C2orf66: variants seen among roughly 807,000 people sequenced by gnomAD.
C2orf66 encodes uncharacterized protein C2orf66.
In C2orf66, 6 loss-of-function variants were observed where a neutral mutation model predicts 7.0. The observed-to-expected ratio is 0.86, with a 90% CI of 0.47 to 1.69. C2orf66 has a LOEUF of 1.69. Among genes scored for constraint, C2orf66 ranks in the 40% most tolerant of loss-of-function variants. C2orf66 has a pLI of 0.01. For missense variants in C2orf66, 107 were observed against 112.0 expected (o/e 0.96, Z 0.20); for synonymous variants, 38 against 43.8 (o/e 0.87, Z 0.52).
the C2orf66 span, among the ~76,000 whole-genome samples, chr2:196,831,726 C>T: frequency 6.6e-6 from 1 of 152,126 alleles, no homozygotes; most frequent in African/African-American, 2.4e-5. Flanking sequence ...TAATTTATCT[C>T]CTAGCACACA....
upstream of C2orf66, among the ~76,000 whole-genome samples, chr2:196,810,551 A>G (rs1699864667): frequency 6.6e-6 from 1 of 152,248 alleles, no homozygotes; most frequent in African/African-American, 2.4e-5. Flanking sequence ...TGCTGAATAA[A>G]TGCCATCTGT....
At chr2:196,826,560 G>A in the C2orf66 span, among the ~76,000 whole-genome samples, 1 of 152,152 alleles carries the variant, frequency 6.6e-6, no homozygotes, top group Non-Finnish European at 1.5e-5. Flanking sequence ...AGGCAATCAG[G>A]AGAGAGGGAA....
At chr2:196,816,004 C>T in the C2orf66 span, among the ~76,000 whole-genome samples, 83 of 152,254 alleles carry the variant, frequency 5.5e-4, no homozygotes, top group Admixed American at 1.4e-3. Flanking sequence ...TAGAGCAGGC[C>T]GGGCAGCTTT....
chr2:196,821,928 C>CTTTTTTTTTTTT, the C2orf66 span, among the ~76,000 whole-genome samples: 6 of 32,276 alleles, frequency 1.9e-4, 2 homozygotes, highest in East Asian at 2.3e-3. Context: ...AACCAGTGAG[C>CTTTTTTTTTTTT]TTTTTTTTTT....
the C2orf66 span, among the ~76,000 whole-genome samples, chr2:196,826,623 AAG>A: frequency 2.7e-4 from 41 of 152,292 alleles, no homozygotes; most frequent in Middle Eastern, 3.4e-3. Context: ...GAAAAAGAAA[AAG>A]AGTTATTCAG....
At chr2:196,805,997 A>T (rs886469448) in intron 2 of C2orf66, among the ~76,000 whole-genome samples, 2 of 152,210 alleles carry the variant, frequency 1.3e-5, no homozygotes, top group Non-Finnish European at 1.5e-5. Flanking sequence ...TTTTTTAATC[A>T]TCACATTTAA....
rs936776564 is a variant in C2orf66 at position 196,807,338 on chromosome 2, T to G, written c.*19+86A>C. On this transcript the variant is annotated intron_variant, in intron 2 of 2. Transcript: ENST00000342506. ...TTATTTCTATGAGGAAATAAAATTA[T>G]GTTTTCAAATAAATACTTTCAAAAT... The G allele has an allele frequency of 3.9e-6, 3 of 774,792 alleles. No homozygotes were observed. The African/African-American group carries it at 5.4e-5, about 14-fold the overall frequency. The allele number at this position is 774,792 out of a possible 1,614,324, so 48.0% of individuals were successfully genotyped here.
chr2:196,811,419 G>C (rs543798445), upstream of C2orf66, among the ~76,000 whole-genome samples: 1 of 152,262 alleles, frequency 6.6e-6, no homozygotes, highest in East Asian at 1.9e-4. Flanking sequence ...ACTTGGATTA[G>C]GGCGATGTTA....
the C2orf66 span, among the ~76,000 whole-genome samples, chr2:196,819,534 A>AAGCCACCC: frequency 1.3e-5 from 2 of 151,698 alleles, no homozygotes; most frequent in Non-Finnish European, 2.9e-5. Flanking sequence ...TGTTGTTCAC[A>AAGCCACCC]AGCCACCCAG....
chr2:196,809,073 T>C, intron 1 of C2orf66, 141 bp downstream of exon 1: 2 of 876,044 alleles, frequency 2.3e-6, no homozygotes, highest in African/African-American at 1.7e-5. Flanking sequence ...GTAGTAAAAC[T>C]CTGGTCCAAT....
chr2:196,823,387 C>T, the C2orf66 span, among the ~76,000 whole-genome samples: 1 of 152,056 alleles, frequency 6.6e-6, no homozygotes, highest in Non-Finnish European at 1.5e-5. Flanking sequence ...CTTTGGGAGG[C>T]TGAGGCAGGT....
the C2orf66 span, among the ~76,000 whole-genome samples, chr2:196,816,243 G>C: frequency 6.6e-6 from 1 of 152,222 alleles, no homozygotes; most frequent in Non-Finnish European, 1.5e-5. Flanking sequence ...CCCAGAGGAG[G>C]TGAGGGTAGG....
At chr2:196,811,108 A>T (rs1992171), upstream of C2orf66, among the ~76,000 whole-genome samples, 1 of 152,186 alleles carries the variant, frequency 6.6e-6, no homozygotes, top group African/African-American at 2.4e-5. Flanking sequence ...GTGTGTCTAA[A>T]AAGGTGAACA....
At chr2:196,809,649 A>G (rs985694103), upstream of C2orf66, 1 of 283,400 alleles carries the variant, frequency 3.5e-6, no homozygotes, top group African/African-American at 2.2e-5. Context: ...GAAAAAAAGT[A>G]CTTTGTTGTC....
the C2orf66 span, among the ~76,000 whole-genome samples, chr2:196,823,578 G>C: frequency 1.3e-5 from 2 of 151,844 alleles, no homozygotes. Flanking sequence ...AGTGAGCTGA[G>C]ATCACGCCAC....
At position 196,807,440 on chromosome 2, in the gene C2orf66, CTT is replaced by C. The variant is rs751836864; in HGVS notation, c.*1_*2del. The C allele has an allele frequency of 6.2e-7, 1 of 1,605,172 alleles. No individual in the cohort carries two copies. The highest frequency in any genetic ancestry group is 1.3e-5 in the African/African-American group (1 of 74,316). ...AACTTTTACCTGAGCTCAGAAGAAA[CTT>C]TCAGCCTTTGAGATAATTGTGAAAG... On this transcript the variant is annotated 3_prime_UTR_variant, in exon 2 of 3. Transcript: ENST00000342506.
the C2orf66 span, among the ~76,000 whole-genome samples, chr2:196,826,762 G>A: frequency 5.3e-5 from 8 of 152,188 alleles, no homozygotes; most frequent in African/African-American, 1.7e-4. Context: ...GCCAGGCGCA[G>A]TGGCTCACAC....
the C2orf66 span, among the ~76,000 whole-genome samples, chr2:196,830,606 C>T: frequency 1.3e-5 from 2 of 152,158 alleles, no homozygotes; most frequent in Admixed American, 6.5e-5. Context: ...ATTTACAAAG[C>T]CAATTTTTCC....
At chr2:196,805,608 A>T (rs1389811876) in intron 2 of C2orf66, among the ~76,000 whole-genome samples, 200 bp from the exon 3 acceptor site, 5 of 152,102 alleles carry the variant, frequency 3.3e-5, no homozygotes, top group Non-Finnish European at 7.4e-5. Context: ...AAAGTAAATA[A>T]TTCCTGTTCT....
Sources: gnomAD v4.1 joint callset for allele counts (sites outside exome capture counted in the v4.1 genomes callset) on GRCh38, gnomAD v4.1.1 for gene constraint, MANE v1.5 for transcripts, NCBI Gene and HGNC (gene_info 2026-07-23, HGNC 2026-07-21) for gene names.